RAB3GAP2: variants seen among roughly 807,000 people sequenced by gnomAD.
RAB3GAP2 encodes RAB3 GTPase activating non-catalytic protein subunit 2.
A neutral mutation model predicts 185.3 loss-of-function variants in RAB3GAP2; 87 were observed. The observed-to-expected ratio is 0.47, with a 90% confidence interval of 0.39 to 0.56. The LOEUF (loss-of-function observed/expected upper bound fraction) is 0.56, where lower values mean the gene tolerates loss of function less well. Among genes scored for constraint, RAB3GAP2 ranks in the 20% least tolerant of loss-of-function variants. The probability of loss-of-function intolerance (pLI) is 0.00; values close to 1 mark genes in which losing one functional copy is unlikely to be tolerated. For synonymous variants in RAB3GAP2, 554 were observed against 576.1 expected (o/e 0.96, Z 0.55); for missense variants, 1,492 against 1,638.2 (o/e 0.91, Z 1.54).
At chr1:220,203,860 C>T (rs570670917) in intron 8 of RAB3GAP2, among the ~76,000 whole-genome samples, 1 of 152,118 alleles carries the variant, frequency 6.6e-6, no homozygotes, top group African/African-American at 2.4e-5. Context: ...TATCAACCTG[C>T]TAACAAAGAC....
At chr1:220,230,045 T>A (rs993735605) in intron 2 of RAB3GAP2, among the ~76,000 whole-genome samples, 2 of 152,144 alleles carry the variant, frequency 1.3e-5, no homozygotes, top group African/African-American at 4.8e-5. Flanking sequence ...TCATGAAGAA[T>A]CTCCAAGCTT....
At chr1:220,171,343 C>T (rs1478628931) in intron 23 of RAB3GAP2, among the ~76,000 whole-genome samples, 1 of 152,102 alleles carries the variant, frequency 6.6e-6, no homozygotes, top group Non-Finnish European at 1.5e-5. Flanking sequence ...TATAAGGAGT[C>T]CTGCACTAAT....
At chr1:220,259,186 A>T (rs922571148) in intron 1 of RAB3GAP2, among the ~76,000 whole-genome samples, 5 of 152,224 alleles carry the variant, frequency 3.3e-5, no homozygotes, top group South Asian at 2.1e-4. Flanking sequence ...TGCTATTCCC[A>T]TTAAACTACC....
intron 28 of RAB3GAP2, among the ~76,000 whole-genome samples, chr1:220,161,984 CT>C (rs1657971093): frequency 6.6e-6 from 1 of 152,118 alleles, no homozygotes; most frequent in East Asian, 1.9e-4. Flanking sequence ...AGTTAAGAGG[CT>C]TTTATAATAT....
intron 1 of RAB3GAP2, among the ~76,000 whole-genome samples, chr1:220,252,285 G>A (rs1490718355): frequency 1.3e-5 from 2 of 151,710 alleles, no homozygotes; most frequent in African/African-American, 4.8e-5. Context: ...TTGCAGATAT[G>A]CATTTTATAA....
At chr1:220,249,783 A>G (rs1248814177) in intron 1 of RAB3GAP2, among the ~76,000 whole-genome samples, 1 of 152,200 alleles carries the variant, frequency 6.6e-6, no homozygotes, top group African/African-American at 2.4e-5. Flanking sequence ...AAAGGGGTCA[A>G]CATATAGCTT....
chr1:220,211,312 G>C (rs1228815206), intron 4 of RAB3GAP2: 1 of 530,448 alleles, frequency 1.9e-6, no homozygotes, highest in South Asian at 1.5e-5. Flanking sequence ...ACACAACTGA[G>C]CAAAGCTCAA....
intron 3 of RAB3GAP2, among the ~76,000 whole-genome samples, 173 bp downstream of exon 3, chr1:220,213,683 G>T (rs1292995428): frequency 8.7e-6 from 1 of 115,446 alleles, no homozygotes; most frequent in Non-Finnish European, 1.7e-5. Context: ...ATGGAAGGGG[G>T]AGAAAGAGGG....
intron 1 of RAB3GAP2, among the ~76,000 whole-genome samples, chr1:220,233,706 GT>G (rs1360855241): frequency 6.6e-6 from 1 of 151,952 alleles, no homozygotes; most frequent in East Asian, 1.9e-4. Flanking sequence ...TAAAGTGTAT[GT>G]GTTTTTTTTT....
At chr1:220,173,165 T>G (rs995606602) in intron 21 of RAB3GAP2, among the ~76,000 whole-genome samples, 2 of 152,230 alleles carry the variant, frequency 1.3e-5, no homozygotes, top group African/African-American at 2.4e-5. Context: ...ACAAAGGTAT[T>G]GCAGACGTGG....
rs748546455 is a variant in RAB3GAP2, at chr1:220,151,336, T to A, written c.4097A>T (p.Glu1366Val). Residue 1366 changes from glutamate (E) to valine (V), a missense_variant, in exon 35 of 35, where the codon GAG (glutamate) becomes GTG (valine). By Grantham distance (121) the Glu-to-Val change is moderately radical (BLOSUM62 -2). Coordinates refer to ENST00000358951, the MANE Select transcript of RAB3GAP2 (RefSeq NM_012414.4). Reference sequence around the variant, plus strand: ...TTGCCCATGTTTTTCTGGTAAAAGCTCAATTACTTTATTTACTAGTTTAGC... The same window carrying A: ...TTGCCCATGTTTTTCTGGTAAAAGCACAATTACTTTATTTACTAGTTTAGC... Reference protein sequence around the residue: ...TTAKLVNKVIELLPEKHGQYG... With the variant: ...TTAKLVNKVIVLLPEKHGQYG... The A allele has an allele frequency of 1.1e-5, 17 of 1,614,146 alleles. No homozygotes were observed. Among genetic ancestry groups the A allele is most frequent in the Non-Finnish European group, 1.4e-5 (17 of 1,179,994 alleles).
chr1:220,184,848 G>C (rs1348750767), intron 18 of RAB3GAP2, among the ~76,000 whole-genome samples: 1 of 151,952 alleles, frequency 6.6e-6, no homozygotes, highest in Non-Finnish European at 1.5e-5. Flanking sequence ...CTGACAAGTG[G>C]TGTATGCTAA....
chr1:220,248,320 T>C (rs1028834419), intron 1 of RAB3GAP2, among the ~76,000 whole-genome samples: 22 of 152,178 alleles, frequency 1.4e-4, no homozygotes, highest in Non-Finnish European at 3.2e-4. Context: ...AATACTGTAC[T>C]GTGTACTTGA....
At chr1:220,223,187 TAGGC>T (rs1659339607) in intron 2 of RAB3GAP2, among the ~76,000 whole-genome samples, 1 of 152,112 alleles carries the variant, frequency 6.6e-6, no homozygotes, top group Admixed American at 6.6e-5. Context: ...GGTGGGACTA[TAGGC>T]AGGCACATGT....
chr1:220,186,567 C>T (rs964663748), intron 17 of RAB3GAP2, among the ~76,000 whole-genome samples: 1 of 152,092 alleles, frequency 6.6e-6, no homozygotes, highest in Non-Finnish European at 1.5e-5. Flanking sequence ...ACAAGCATAA[C>T]CTGCTCCAGT....
At chr1:220,259,445 A>C (rs1660093793) in intron 1 of RAB3GAP2, among the ~76,000 whole-genome samples, 2 of 152,144 alleles carry the variant, frequency 1.3e-5, no homozygotes, top group South Asian at 4.1e-4. Context: ...CAATCATGTG[A>C]TCTTTGACAA....
chr1:220,272,386 G>A lies in RAB3GAP2; in HGVS notation c.-49C>T. 1 of 1,374,746 alleles carries A rather than the reference G, an allele frequency of 7.3e-7. No homozygotes were observed. The highest frequency in any genetic ancestry group is 1.0e-6 in the Non-Finnish European group (1 of 979,532). 85.2% of individuals were successfully genotyped at this position (1,374,746 alleles called of 1,614,324 possible). Reference sequence around the variant, plus strand: ...CACTCACCTTACCTCACCACGCCCTGCCCCCTCCACCCCACTGCGGCCGCC... The same window carrying A: ...CACTCACCTTACCTCACCACGCCCTACCCCCTCCACCCCACTGCGGCCGCC... On this transcript the variant is annotated 5_prime_UTR_variant, in exon 1 of 35. Transcript: ENST00000358951.
chr1:220,205,851 G>T, intron 8 of RAB3GAP2, 56 bp downstream of exon 8: 1 of 1,268,980 alleles, frequency 7.9e-7, no homozygotes, highest in Non-Finnish European at 1.1e-6. Context: ...ATAAGCAGGT[G>T]AAATTAAATA....
intron 2 of RAB3GAP2, among the ~76,000 whole-genome samples, chr1:220,222,940 T>C (rs529824039): frequency 6.6e-6 from 1 of 152,342 alleles, no homozygotes; most frequent in African/African-American, 2.4e-5. Context: ...GTGTCAAATG[T>C]ATTTTATTAC....
Sources: allele counts gnomAD v4.1 joint callset (sites outside exome capture counted in the v4.1 genomes callset), GRCh38; gene constraint gnomAD v4.1.1; transcripts MANE v1.5; gene names NCBI Gene and HGNC (gene_info 2026-07-23, HGNC 2026-07-21).